The following SCHIP1 variants were observed in gnomAD, a reference collection of about 807,000 sequenced individuals.
The protein encoded by SCHIP1 is schwannomin-interacting protein 1.
Under a neutral mutation model 29.7 loss-of-function variants are expected in SCHIP1, and 8 were observed. The observed-to-expected ratio is 0.27, with a 90% CI of 0.16 to 0.49. The LOEUF (loss-of-function observed/expected upper bound fraction) is 0.49, where lower values mean the gene tolerates loss of function less well. Ranked by LOEUF, SCHIP1 falls within the 20% of genes least tolerant of loss-of-function variation. The pLI is 0.99. For synonymous variants in SCHIP1, 76 were observed against 94.9 expected, an observed-to-expected ratio of 0.80 and a Z score of 1.16; for missense variants, 193 against 294.6, an observed-to-expected ratio of 0.66 and a Z score of 2.52.
the SCHIP1 span, among the ~76,000 whole-genome samples, chr3:159,820,721 A>G: frequency 2.3e-4 from 35 of 152,268 alleles, no homozygotes; most frequent in African/African-American, 8.4e-4. Context: ...ATGCAAGTGG[A>G]AATGAGCAGT....
the SCHIP1 span, among the ~76,000 whole-genome samples, chr3:159,531,019 A>G: frequency 6.6e-6 from 1 of 152,216 alleles, no homozygotes; most frequent in South Asian, 2.1e-4. Context: ...CCAGAGCCTC[A>G]TCACAATTGA....
exon 3 of SCHIP1, chr3:159,886,261 T>G (rs1306655235): frequency 1.9e-6 from 3 of 1,614,056 alleles, no homozygotes; most frequent in Non-Finnish European, 2.5e-6. Context: ...GTGGCAGTGA[T>G]AAGGACAGTG....
At chr3:159,422,249 G>A in the SCHIP1 span, among the ~76,000 whole-genome samples, 2 of 152,132 alleles carry the variant, frequency 1.3e-5, no homozygotes, top group African/African-American at 4.8e-5. Context: ...AAGGATGGAA[G>A]CATGTTACCC....
At chr3:159,696,184 C>T in the SCHIP1 span, among the ~76,000 whole-genome samples, 4 of 152,178 alleles carry the variant, frequency 2.6e-5, no homozygotes, top group Non-Finnish European at 5.9e-5. Flanking sequence ...GGTTTACAAT[C>T]AGGTCCTACT....
the SCHIP1 span, among the ~76,000 whole-genome samples, chr3:159,301,344 T>G: frequency 6.6e-6 from 1 of 152,186 alleles, no homozygotes; most frequent in Non-Finnish European, 1.5e-5. Context: ...AGCTCCTTTG[T>G]GTTTTTGGAG....
the SCHIP1 span, among the ~76,000 whole-genome samples, chr3:159,472,531 C>T: frequency 3.5e-4 from 53 of 152,140 alleles, no homozygotes; most frequent in Non-Finnish European, 4.4e-4. Flanking sequence ...ATCAGAGAAG[C>T]TGATGTAATT....
the SCHIP1 span, among the ~76,000 whole-genome samples, chr3:159,292,074 C>T: frequency 6.6e-6 from 1 of 151,978 alleles, no homozygotes; most frequent in Admixed American, 6.6e-5. Context: ...TTGATGACAA[C>T]ATAGGCCATA....
the SCHIP1 span, among the ~76,000 whole-genome samples, chr3:159,565,463 C>T: frequency 2.0e-5 from 3 of 152,168 alleles, no homozygotes; most frequent in Non-Finnish European, 4.4e-5. Context: ...GGCGCATCTC[C>T]TATGTTTCTA....
intron 2 of SCHIP1, among the ~76,000 whole-genome samples, chr3:159,873,703 A>T (rs1168763253): frequency 1.3e-5 from 2 of 152,340 alleles, no homozygotes; most frequent in African/African-American, 2.4e-5. Flanking sequence ...TCCACACATT[A>T]TCAGCCCTTT....
the SCHIP1 span, among the ~76,000 whole-genome samples, chr3:159,316,627 A>T: frequency 6.6e-6 from 1 of 152,174 alleles, no homozygotes; most frequent in African/African-American, 2.4e-5. Context: ...ATCTCTTGAG[A>T]TCATACATAA....
At chr3:159,403,623 C>G in the SCHIP1 span, among the ~76,000 whole-genome samples, 1 of 152,198 alleles carries the variant, frequency 6.6e-6, no homozygotes, top group African/African-American at 2.4e-5. Flanking sequence ...GGGGAATTGC[C>G]CATCCCAGCA....
chr3:159,768,806 C>T, the SCHIP1 span, among the ~76,000 whole-genome samples: 1 of 152,168 alleles, frequency 6.6e-6, no homozygotes, highest in Non-Finnish European at 1.5e-5. Flanking sequence ...CCTGGGACAG[C>T]CATATCCCCA....
the SCHIP1 span, among the ~76,000 whole-genome samples, chr3:159,411,783 C>A: frequency 6.6e-6 from 1 of 152,122 alleles, no homozygotes; most frequent in Non-Finnish European, 1.5e-5. Flanking sequence ...CAACAGTGAT[C>A]AAAATTGAGG....
chr3:159,528,881 TC>T, the SCHIP1 span, among the ~76,000 whole-genome samples: 1 of 152,132 alleles, frequency 6.6e-6, no homozygotes. Flanking sequence ...GCAATAAAAA[TC>T]CTCACCAGAA....
the SCHIP1 span, among the ~76,000 whole-genome samples, chr3:159,706,536 C>A: frequency 6.6e-6 from 1 of 152,196 alleles, no homozygotes; most frequent in Non-Finnish European, 1.5e-5. Context: ...CAGACCATAT[C>A]TAATGTTGAG....
chr3:159,581,802 T>C, the SCHIP1 span, among the ~76,000 whole-genome samples: 2 of 152,326 alleles, frequency 1.3e-5, no homozygotes, highest in East Asian at 1.9e-4. Flanking sequence ...GGTAAACATA[T>C]AGATCAATGA....
chr3:159,712,392 G>A, the SCHIP1 span, among the ~76,000 whole-genome samples: 1 of 152,172 alleles, frequency 6.6e-6, no homozygotes, highest in African/African-American at 2.4e-5. Context: ...AAAATTAATG[G>A]ATGGGCAGGC....
chr3:159,328,597 C>G, the SCHIP1 span, among the ~76,000 whole-genome samples: 1 of 152,070 alleles, frequency 6.6e-6, no homozygotes. Context: ...AGTAGAAGTG[C>G]GAACCAAGAA....
the SCHIP1 span, among the ~76,000 whole-genome samples, chr3:159,394,656 G>A: frequency 6.6e-6 from 1 of 152,036 alleles, no homozygotes; most frequent in Non-Finnish European, 1.5e-5. Context: ...TGCATCCCAG[G>A]GATGAAGCCC....
Sources: gnomAD v4.1 joint callset for allele counts (sites outside exome capture counted in the v4.1 genomes callset) on GRCh38, gnomAD v4.1.1 for gene constraint, MANE v1.5 for transcripts, NCBI Gene and HGNC (gene_info 2026-07-23, HGNC 2026-07-21) for gene names.